DNAJC1: variants seen among roughly 807,000 people sequenced by gnomAD.
DNAJC1 encodes the protein DnaJ heat shock protein family (Hsp40) member C1, also known as dnaJ homolog subfamily C member 1.
Under a neutral mutation model 76.6 loss-of-function variants are expected in DNAJC1, and 58 were observed. The observed-to-expected ratio is 0.76, with a 90% CI of 0.61 to 0.94. DNAJC1 has a LOEUF of 0.94. Ranked by LOEUF, DNAJC1 falls within the 40% of genes least tolerant of loss-of-function variation. DNAJC1 has a pLI of 0.00. For synonymous variants in DNAJC1, 258 were observed against 267.9 expected, an observed-to-expected ratio of 0.96 and a Z score of 0.36; for missense variants, 689 against 677.3, an observed-to-expected ratio of 1.02 and a Z score of -0.19.
intron 1 of DNAJC1, among the ~76,000 whole-genome samples, chr10:21,998,709 C>T (rs34258202): frequency 0.013 from 1,946 of 152,244 alleles, 34 homozygotes; most frequent in African/African-American, 0.042. Context: ...TTCTAGACTT[C>T]TAGAATGGAC....
In DNAJC1 at chr10:21,813,244, A is replaced by ATATATATATATATG. The variant is rs1429581567; in HGVS notation, c.979-7146_979-7145insCATATATATATATA. On this transcript the variant is annotated intron_variant, in intron 8 of 11. Transcript: ENST00000376980. ...TCTATATATATATATATATATATATACACATACAGCTTCTGCCTTGCTCTT... is the reference window on the plus strand; with the variant it reads ...TCTATATATATATATATATATATATATATATATATATATGCACATACAGCTTCTGCCTTGCTCTT... Among the ~76,000 whole-genome samples the ATATATATATATATG allele has an allele frequency of 6.3e-4, 78 of 122,862 alleles. 9 individuals are homozygous for ATATATATATATATG. The highest frequency in any genetic ancestry group is 2.9e-3 in the African/African-American group (71 of 24,720). The allele number at this position is 122,862 out of a possible 152,430, so 80.6% of individuals were successfully genotyped here.
chr10:21,901,941 C>T (rs894810358), intron 7 of DNAJC1, among the ~76,000 whole-genome samples: 2 of 152,066 alleles, frequency 1.3e-5, no homozygotes, highest in Admixed American at 1.3e-4. Flanking sequence ...ATGCAGAATA[C>T]TGTAATGAAG....
intron 8 of DNAJC1, among the ~76,000 whole-genome samples, chr10:21,809,940 A>ATG (rs943995141): frequency 1.4e-5 from 2 of 145,442 alleles, no homozygotes; most frequent in African/African-American, 5.2e-5. Context: ...ATGGCCTTTC[A>ATG]TGTGTGTGTG....
chr10:21,837,819 G>A (rs1250093137), intron 8 of DNAJC1, among the ~76,000 whole-genome samples: 2 of 141,618 alleles, frequency 1.4e-5, no homozygotes, highest in Non-Finnish European at 3.1e-5. Flanking sequence ...CCGTCCGGGA[G>A]GGAGGTGGGG....
At chr10:21,964,228 T>A (rs952676344) in intron 1 of DNAJC1, among the ~76,000 whole-genome samples, 3 of 152,228 alleles carry the variant, frequency 2.0e-5, no homozygotes, top group Non-Finnish European at 2.9e-5. Context: ...TTATTTTATT[T>A]TTTTTAGACA....
At position 21,806,183 on chromosome 10, in the gene DNAJC1, G is replaced by A. The variant is rs1349217399; in HGVS notation, c.979-84C>T. ...GAAGAATAAAAAAAGATAATTGAGA[G>A]ATAATTGCTGTGAAGCAAATTATTG... On this transcript the variant is annotated intron_variant, in intron 8 of 11. Transcript: ENST00000376980. 5 of 1,450,602 alleles carry A rather than the reference G, an allele frequency of 3.4e-6. No individual in the cohort carries two copies. In the African/African-American group the frequency reaches 5.7e-5, roughly 17 times the overall value. 89.9% of individuals were successfully genotyped at this position (1,450,602 alleles called of 1,614,324 possible).
In DNAJC1 at chr10:22,003,624, G is replaced by C. The variant is rs984626169; in HGVS notation, c.-190C>G. ...GGCGGGAGCCGGCTGCCGGACGGGC[G>C]GGTGGGTAGGCGGGCGGGGCCGCAG... On this transcript the variant is annotated 5_prime_UTR_variant, in exon 1 of 12. Transcript: ENST00000376980. 1 of 583,692 alleles carries C rather than the reference G, an allele frequency of 1.7e-6. No individual in the cohort carries two copies. Among genetic ancestry groups the C allele is most frequent in the South Asian group, 6.3e-5 (1 of 15,934 alleles). 36.2% of individuals were successfully genotyped at this position (583,692 alleles called of 1,614,324 possible).
chr10:21,884,144 AAG>A (rs1021367190), intron 7 of DNAJC1, among the ~76,000 whole-genome samples: 54 of 152,306 alleles, frequency 3.5e-4, no homozygotes, highest in African/African-American at 1.3e-3. Flanking sequence ...TAAACAAATC[AAG>A]AGACAAATAA....
At chr10:21,920,767 C>T in intron 4 of DNAJC1, 31 bp downstream of exon 4, 1 of 1,564,884 alleles carries the variant, frequency 6.4e-7, no homozygotes. Context: ...ATTAAGGAGG[C>T]TAGTTCATTT....
intron 6 of DNAJC1, among the ~76,000 whole-genome samples, chr10:21,906,827 A>C (rs149324340): frequency 6.6e-6 from 1 of 152,244 alleles, no homozygotes; most frequent in East Asian, 1.9e-4. Flanking sequence ...AATACCTGGG[A>C]AACAGTTAGA....
At chr10:21,921,379 T>A (rs1195388324) in intron 3 of DNAJC1, among the ~76,000 whole-genome samples, 1 of 152,050 alleles carries the variant, frequency 6.6e-6, no homozygotes, top group African/African-American at 2.4e-5. Context: ...TACATATTAA[T>A]TGAATCAAAT....
intron 8 of DNAJC1, among the ~76,000 whole-genome samples, chr10:21,829,402 G>C (rs1459229249): frequency 6.6e-6 from 1 of 152,196 alleles, no homozygotes; most frequent in Non-Finnish European, 1.5e-5. Context: ...ATTTTTAGTA[G>C]AGATGGGGTT....
intron 7 of DNAJC1, among the ~76,000 whole-genome samples, chr10:21,892,073 A>G (rs932751288): frequency 6.6e-6 from 1 of 152,156 alleles, no homozygotes; most frequent in African/African-American, 2.4e-5. Context: ...CACTTGAAAT[A>G]GCAAAAATCT....
In DNAJC1 at chr10:21,884,428, G is replaced by A. The variant is rs116953929; in HGVS notation, c.821-1989C>T. 3.1e-3 allele frequency among the ~76,000 whole-genome samples: 467 copies of A among 152,132 alleles called. 2 individuals are homozygous for A. Among genetic ancestry groups the A allele is most frequent in the Non-Finnish European group, 5.1e-3 (350 of 67,964 alleles). ...TCTAATTCAGATGTACTGTTGGCAGGGAAAAGGCTACTTCTAAATTGGTGG... is the reference window on the plus strand; with the variant it reads ...TCTAATTCAGATGTACTGTTGGCAGAGAAAAGGCTACTTCTAAATTGGTGG... On this transcript the variant is annotated intron_variant, in intron 7 of 11. Transcript: ENST00000376980.
intron 8 of DNAJC1, chr10:21,865,520 T>A (rs996974034): frequency 3.9e-5 from 6 of 152,052 alleles, no homozygotes; most frequent in African/African-American, 1.2e-4. Flanking sequence ...AGAAAACTAA[T>A]CCATGATAAT....
chr10:21,898,791 A>C (rs949870176), intron 7 of DNAJC1, among the ~76,000 whole-genome samples: 1 of 151,914 alleles, frequency 6.6e-6, no homozygotes, highest in African/African-American at 2.4e-5. Flanking sequence ...GCCAGAATAT[A>C]CTATACTTCC....
chr10:21,912,958 A>C (rs192616890), intron 6 of DNAJC1, among the ~76,000 whole-genome samples: 4 of 150,790 alleles, frequency 2.7e-5, no homozygotes, highest in Admixed American at 2.6e-4. Context: ...AGTTGTATAA[A>C]GTATAGTACT....
At chr10:21,771,580 C>T (rs1834378230) in intron 9 of DNAJC1, among the ~76,000 whole-genome samples, 1 of 152,114 alleles carries the variant, frequency 6.6e-6, no homozygotes, top group East Asian at 1.9e-4. Context: ...CTGACTGCAA[C>T]CTCTGCCTCT....
chr10:21,949,527 G>A (rs1329825479), intron 1 of DNAJC1, among the ~76,000 whole-genome samples: 1 of 146,724 alleles, frequency 6.8e-6, no homozygotes, highest in Non-Finnish European at 1.5e-5. Context: ...AGTGATTCTT[G>A]TGTTTCAGCC....
Sources: gnomAD v4.1 joint callset for allele counts (sites outside exome capture counted in the v4.1 genomes callset) on GRCh38, gnomAD v4.1.1 for gene constraint, MANE v1.5 for transcripts, NCBI Gene and HGNC (gene_info 2026-07-23, HGNC 2026-07-21) for gene names.